The following HS3ST5 variants were observed in gnomAD, a reference collection of about 807,000 sequenced individuals.
HS3ST5 encodes the protein heparan sulfate-glucosamine 3-sulfotransferase 5.
In HS3ST5, 10 loss-of-function variants were observed where a neutral mutation model predicts 25.4. The observed-to-expected ratio is 0.39, with a 90% CI of 0.24 to 0.67. The LOEUF (loss-of-function observed/expected upper bound fraction) is 0.67. HS3ST5 is among the 30% of genes least tolerant of loss of function. HS3ST5 has a pLI of 0.44. For synonymous variants in HS3ST5, 170 were observed against 162.4 expected (o/e 1.05, Z -0.36); for missense variants, 324 against 420.7 (o/e 0.77, Z 2.01).
At chr6:114,183,140 C>T (rs886283418) in intron 2 of HS3ST5, among the ~76,000 whole-genome samples, 13 of 152,242 alleles carry the variant, frequency 8.5e-5, no homozygotes, top group Middle Eastern at 6.8e-3. Flanking sequence ...TCCATAATCT[C>T]ATAAGCCAAT....
At chr6:114,141,147 T>C (rs900902178) in intron 3 of HS3ST5, among the ~76,000 whole-genome samples, 1 of 152,222 alleles carries the variant, frequency 6.6e-6, no homozygotes, top group Non-Finnish European at 1.5e-5. Context: ...TGGAGACCTG[T>C]GTCTCTTCCT....
intron 2 of HS3ST5, chr6:114,220,541 T>G (rs887779181): frequency 2.0e-5 from 3 of 152,022 alleles, no homozygotes; most frequent in Non-Finnish European, 4.4e-5. Flanking sequence ...GCTCAGCACT[T>G]TACTACTTAG....
chr6:114,080,324 G>A (rs1774379212), intron 3 of HS3ST5, among the ~76,000 whole-genome samples: 1 of 152,176 alleles, frequency 6.6e-6, no homozygotes, highest in Non-Finnish European at 1.5e-5. Context: ...AAACGATGCT[G>A]TGAACAGATG....
At chr6:114,241,104 C>T (rs1772095985) in intron 1 of HS3ST5, among the ~76,000 whole-genome samples, 1 of 140,308 alleles carries the variant, frequency 7.1e-6, no homozygotes. Context: ...GTTCTTTAAG[C>T]TATGTTTATA....
intron 1 of HS3ST5, among the ~76,000 whole-genome samples, chr6:114,341,528 G>A (rs1776870237): frequency 6.6e-6 from 1 of 151,982 alleles, no homozygotes; most frequent in African/African-American, 2.4e-5. Context: ...AGTGAGTAGC[G>A]ACAGCGACCT....
At chr6:114,341,218 A>G (rs1435375042) in intron 1 of HS3ST5, among the ~76,000 whole-genome samples, 22 of 104,574 alleles carry the variant, frequency 2.1e-4, no homozygotes, top group Non-Finnish European at 9.8e-5. Context: ...ATAGGGAGAG[A>G]GGGGGAGAGA....
intron 3 of HS3ST5, among the ~76,000 whole-genome samples, chr6:114,091,695 G>A (rs1330740361): frequency 1.3e-5 from 2 of 151,728 alleles, no homozygotes; most frequent in Non-Finnish European, 2.9e-5. Context: ...AAAAAAAAAT[G>A]TACTAAGCAG....
chr6:114,258,601 GCCA>G (rs1773035016), intron 1 of HS3ST5, among the ~76,000 whole-genome samples: 1 of 152,102 alleles, frequency 6.6e-6, no homozygotes. Flanking sequence ...GCCACTTGGG[GCCA>G]GAGCACCTCT....
chr6:114,327,216 G>A (rs1776208583), intron 1 of HS3ST5, among the ~76,000 whole-genome samples: 1 of 152,162 alleles, frequency 6.6e-6, no homozygotes, highest in Non-Finnish European at 1.5e-5. Flanking sequence ...TGGTCATAAT[G>A]TACTTGTAGA....
At chr6:114,233,412 T>C (rs1771702292) in intron 1 of HS3ST5, among the ~76,000 whole-genome samples, 1 of 152,132 alleles carries the variant, frequency 6.6e-6, no homozygotes, top group Admixed American at 6.5e-5. Context: ...GTTTACCACT[T>C]TTCTATAAGA....
intron 2 of HS3ST5, among the ~76,000 whole-genome samples, chr6:114,201,634 C>G (rs779177842): frequency 2.6e-5 from 4 of 152,118 alleles, no homozygotes; most frequent in African/African-American, 9.7e-5. Flanking sequence ...TTTGCCTAAA[C>G]GTCAGCTTCT....
intron 2 of HS3ST5, among the ~76,000 whole-genome samples, chr6:114,183,753 G>A (rs1400797789): frequency 1.3e-5 from 2 of 152,048 alleles, no homozygotes; most frequent in African/African-American, 4.8e-5. Flanking sequence ...TGAGTGCTCA[G>A]GAAGGAAAAA....
At chr6:114,239,816 G>A (rs1772021533) in intron 1 of HS3ST5, among the ~76,000 whole-genome samples, 1 of 151,902 alleles carries the variant, frequency 6.6e-6, no homozygotes, top group Admixed American at 6.6e-5. Context: ...ATATTCTCTG[G>A]GTCAGCATCA....
chr6:114,184,054 C>CTTTTTTTTT (rs34370810), intron 2 of HS3ST5, among the ~76,000 whole-genome samples: 5 of 78,740 alleles, frequency 6.4e-5, no homozygotes, highest in African/African-American at 1.5e-4. Flanking sequence ...TTTTTCCTTT[C>CTTTTTTTTT]TTTTTTTTTT....
At chr6:114,140,336 T>C (rs1777839942) in intron 3 of HS3ST5, among the ~76,000 whole-genome samples, 1 of 152,218 alleles carries the variant, frequency 6.6e-6, no homozygotes, top group African/African-American at 2.4e-5. Flanking sequence ...ATAATAGTGA[T>C]ATAAATTTTT....
chr6:114,136,289 T>C (rs907181083), intron 3 of HS3ST5, among the ~76,000 whole-genome samples: 2 of 152,142 alleles, frequency 1.3e-5, no homozygotes, highest in Non-Finnish European at 2.9e-5. Flanking sequence ...TCCCATGCTG[T>C]TCTTGTGATA....
chr6:114,165,951 C>T (rs376727559), intron 3 of HS3ST5, among the ~76,000 whole-genome samples: 21 of 152,090 alleles, frequency 1.4e-4, no homozygotes, highest in South Asian at 8.3e-4. Context: ...GAGGCTGACG[C>T]GGGAGGATCC....
intron 1 of HS3ST5, among the ~76,000 whole-genome samples, chr6:114,285,454 T>C (rs538266803): frequency 6.6e-6 from 1 of 151,990 alleles, no homozygotes; most frequent in African/African-American, 2.4e-5. Context: ...TAAATTTAAA[T>C]AAATGTGGTG....
At chr6:114,072,353 G>A (rs2114735734) in intron 3 of HS3ST5, among the ~76,000 whole-genome samples, 1 of 152,204 alleles carries the variant, frequency 6.6e-6, no homozygotes, top group East Asian at 1.9e-4. Context: ...AGAGTCATGT[G>A]GTGATGCCCA....
Sources: allele counts gnomAD v4.1 joint callset (sites outside exome capture counted in the v4.1 genomes callset), GRCh38; gene constraint gnomAD v4.1.1; transcripts MANE v1.5; gene names NCBI Gene and HGNC (gene_info 2026-07-23, HGNC 2026-07-21).